Variants in TASP1 observed in about 807,000 individuals in gnomAD.
TASP1 encodes the protein taspase 1, also known as threonine aspartase 1.
TASP1 carries 16 observed loss-of-function variants against 56.6 expected under a neutral mutation model. The observed-to-expected ratio is 0.28, with a 90% confidence interval of 0.19 to 0.43. The LOEUF is 0.43. Ranked by LOEUF, TASP1 falls within the 20% of genes least tolerant of loss-of-function variation. The pLI, the probability that TASP1 is intolerant of heterozygous loss-of-function variation, is 1.00. For missense variants in TASP1, 393 were observed against 511.6 expected, an observed-to-expected ratio of 0.77 and a Z score of 2.24; for synonymous variants, 179 against 184.2, an observed-to-expected ratio of 0.97 and a Z score of 0.23.
At chr20:13,587,412 A>G (rs1261244383) in intron 4 of TASP1, 42 bp from the exon 5 acceptor site, 1 of 1,520,252 alleles carries the variant, frequency 6.6e-7, no homozygotes, top group East Asian at 2.3e-5. Flanking sequence ...TTAGTCTTAA[A>G]AAAAGTATTA....
the TASP1 span, among the ~76,000 whole-genome samples, chr20:13,178,688 C>T: frequency 7.3e-6 from 1 of 136,736 alleles, no homozygotes; most frequent in African/African-American, 2.7e-5. Context: ...TATATGGAAG[C>T]TAAAAAAAAA....
chr20:13,229,547 C>A, the TASP1 span, among the ~76,000 whole-genome samples: 1 of 152,178 alleles, frequency 6.6e-6, no homozygotes, highest in African/African-American at 2.4e-5. Flanking sequence ...GTAACTCTAT[C>A]ACAATTTGTA....
chr20:13,116,532 T>G, the TASP1 span, among the ~76,000 whole-genome samples: 1 of 152,110 alleles, frequency 6.6e-6, no homozygotes, highest in Non-Finnish European at 1.5e-5. Flanking sequence ...ATAGACTACA[T>G]TTTTTTCCCT....
chr20:13,489,749 C>T (rs2043456293), intron 10 of TASP1, among the ~76,000 whole-genome samples: 3 of 152,118 alleles, frequency 2.0e-5, no homozygotes, highest in African/African-American at 4.8e-5. Flanking sequence ...ACATCCATTC[C>T]TATCATAAAT....
At chr20:13,512,619 G>T (rs962349454) in intron 10 of TASP1, among the ~76,000 whole-genome samples, 17 of 152,114 alleles carry the variant, frequency 1.1e-4, no homozygotes, top group Non-Finnish European at 4.4e-5. Flanking sequence ...GATCCCATTT[G>T]TCAATTTTGG....
the TASP1 span, among the ~76,000 whole-genome samples, chr20:13,248,595 C>T: frequency 6.6e-6 from 1 of 152,186 alleles, no homozygotes; most frequent in Non-Finnish European, 1.5e-5. Context: ...CTAATTTCTA[C>T]CAGTGTTCTT....
chr20:13,483,741 G>A (rs1410842838), intron 10 of TASP1, among the ~76,000 whole-genome samples: 4 of 152,126 alleles, frequency 2.6e-5, no homozygotes, highest in Non-Finnish European at 5.9e-5. Context: ...TCAGGACATA[G>A]GCATGGGCAA....
At chr20:13,562,609 G>A (rs1467584465) in intron 7 of TASP1, among the ~76,000 whole-genome samples, 2 of 152,038 alleles carry the variant, frequency 1.3e-5, no homozygotes, top group Non-Finnish European at 2.9e-5. Context: ...AGGCACAGTG[G>A]CTCATGCCTG....
chr20:13,560,644 G>A (rs138553329), intron 7 of TASP1, among the ~76,000 whole-genome samples: 1 of 152,192 alleles, frequency 6.6e-6, no homozygotes, highest in African/African-American at 2.4e-5. Flanking sequence ...AGAAGGTAGA[G>A]AAAAAGAAAG....
chr20:13,451,237 C>A (rs1204411220), intron 11 of TASP1, among the ~76,000 whole-genome samples: 1 of 151,994 alleles, frequency 6.6e-6, no homozygotes, highest in African/African-American at 2.4e-5. Context: ...TCCTAAGGGC[C>A]ATAGGATTTT....
chr20:13,174,715 A>C, the TASP1 span, among the ~76,000 whole-genome samples: 1 of 151,022 alleles, frequency 6.6e-6, no homozygotes, highest in African/African-American at 2.4e-5. Flanking sequence ...AAAAAAAAAG[A>C]GATATTCCAT....
chr20:13,521,116 A>T (rs2044734360), intron 10 of TASP1, among the ~76,000 whole-genome samples: 1 of 152,216 alleles, frequency 6.6e-6, no homozygotes, highest in South Asian at 2.1e-4. Context: ...TTAAAAAGTC[A>T]GGAAACAACA....
Position 13,612,413 on chromosome 20 carries a change from A to C in TASP1, c.282+11033T>G, listed in dbSNP as rs1465539041. Among the ~76,000 whole-genome samples, 4 of 152,222 alleles carry C rather than the reference A, an allele frequency of 2.6e-5. No individual in the cohort carries two copies. In the East Asian group the frequency reaches 7.7e-4, roughly 29 times the overall value. On this transcript the variant is annotated intron_variant, in intron 4 of 13. Coordinates refer to ENST00000337743, the MANE Select transcript of TASP1 (RefSeq NM_017714.3). ...AAATATCATTAGTATAGACAACTTC[A>C]TCTACAACTTTACCCAGTGGTAAAC...
At chr20:13,304,879 C>T in the TASP1 span, among the ~76,000 whole-genome samples, 6 of 152,272 alleles carry the variant, frequency 3.9e-5, no homozygotes, top group Non-Finnish European at 2.9e-5. Context: ...ATCTCTCTTC[C>T]CCACTTCCCT....
intron 11 of TASP1, among the ~76,000 whole-genome samples, chr20:13,457,246 T>C (rs2043878864): frequency 6.6e-6 from 1 of 152,052 alleles, no homozygotes; most frequent in South Asian, 2.1e-4. Context: ...GTTATGCACA[T>C]GTACCCTAGA....
intron 5 of TASP1, among the ~76,000 whole-genome samples, chr20:13,582,156 T>C (rs1601332318): frequency 6.7e-6 from 1 of 149,308 alleles, no homozygotes; most frequent in Non-Finnish European, 1.5e-5. Flanking sequence ...CCAAATCAGA[T>C]CCCTTTACTA....
the TASP1 span, among the ~76,000 whole-genome samples, chr20:13,157,455 C>CT: frequency 1.3e-5 from 2 of 151,970 alleles, no homozygotes; most frequent in African/African-American, 4.8e-5. Context: ...AAATTACTCT[C>CT]TAAGACTCAC....
chr20:13,144,268 G>GATTA, the TASP1 span, among the ~76,000 whole-genome samples: 2 of 152,116 alleles, frequency 1.3e-5, no homozygotes, highest in Non-Finnish European at 2.9e-5. Flanking sequence ...ATCTTGTTGT[G>GATTA]ATTAATTTTT....
At chr20:13,242,536 AAGG>A in the TASP1 span, among the ~76,000 whole-genome samples, 5 of 152,126 alleles carry the variant, frequency 3.3e-5, no homozygotes, top group Non-Finnish European at 7.4e-5. Context: ...TGGGAAGGTG[AAGG>A]AGGACAGGCT....
Sources: allele counts gnomAD v4.1 joint callset (sites outside exome capture counted in the v4.1 genomes callset), GRCh38; gene constraint gnomAD v4.1.1; transcripts MANE v1.5; gene names NCBI Gene and HGNC (gene_info 2026-07-23, HGNC 2026-07-21).